The following PAK2 variants were observed in gnomAD, a reference collection of about 807,000 sequenced individuals.
PAK2 encodes p21 (RAC1) activated kinase 2, also known as serine/threonine-protein kinase PAK 2.
A neutral mutation model predicts 65.9 loss-of-function variants in PAK2; 21 were observed. The ratio of observed to expected loss-of-function variants is 0.32; its 90% confidence interval spans 0.23 to 0.46. PAK2 has a LOEUF of 0.46. PAK2 is among the 20% of genes least tolerant of loss of function. The pLI is 1.00. For synonymous variants in PAK2, 204 were observed against 219.7 expected, an observed-to-expected ratio of 0.93 and a Z score of 0.63; for missense variants, 324 against 642.6, an observed-to-expected ratio of 0.50 and a Z score of 5.36.
intron 2 of PAK2, among the ~76,000 whole-genome samples, chr3:196,792,321 C>A (rs1162442770): frequency 6.6e-6 from 1 of 152,074 alleles, no homozygotes; most frequent in East Asian, 1.9e-4. Context: ...CGTTAGAAGC[C>A]AAGGGACATA....
At chr3:196,767,284 T>C (rs1714201312) in intron 1 of PAK2, among the ~76,000 whole-genome samples, 1 of 152,146 alleles carries the variant, frequency 6.6e-6, no homozygotes, top group Admixed American at 6.6e-5. Flanking sequence ...GGATAGATTT[T>C]TAGAAACGGG....
In PAK2 at chr3:196,827,266, G is replaced by A. The variant is rs753373351; in HGVS notation, c.1421G>A (p.Arg474Gln). 19 of 1,612,260 alleles carry A rather than the reference G, an allele frequency of 1.2e-5. No individual in the cohort carries two copies. The highest frequency in any genetic ancestry group is 2.2e-5 in the East Asian group (1 of 44,846). The part of the protein sequence containing the change: ...QNPEKLSPIF[R>Q]DFLNRCLEMD... The stretch of plus-strand genomic sequence containing the variant: ...CCAGAGAAACTTTCCCCAATATTTC[G>A]GGATTTCTTAAATCGATGTTTGGAA... Residue 474 changes from arginine (R) to glutamine (Q), a missense_variant, in exon 14 of 15, where the codon CGG becomes CAG. Coordinates refer to ENST00000327134, the MANE Select transcript of PAK2 (RefSeq NM_002577.4).
intron 1 of PAK2, among the ~76,000 whole-genome samples, chr3:196,773,861 C>CA (rs1270203615): frequency 2.0e-5 from 3 of 149,000 alleles, no homozygotes; most frequent in Non-Finnish European, 3.0e-5. Context: ...GACAGAATCT[C>CA]AAAAAAAAGC....
intron 1 of PAK2, among the ~76,000 whole-genome samples, chr3:196,761,672 C>T (rs1229820569): frequency 0.014 from 1,928 of 139,452 alleles, 31 homozygotes; most frequent in African/African-American, 0.048. Flanking sequence ...AGCTGTTGGG[C>T]ACACCTCCCA....
At chr3:196,769,594 G>C (rs1202297260) in intron 1 of PAK2, among the ~76,000 whole-genome samples, 1 of 151,166 alleles carries the variant, frequency 6.6e-6, no homozygotes, top group Non-Finnish European at 1.5e-5. Context: ...GGCGGATCAC[G>C]AGGTCAGGAG....
At position 196,831,673 on chromosome 3, in the gene PAK2, A is replaced by C. The variant is rs1334133187; in HGVS notation, c.*3268A>C. 1 of 152,230 alleles carries C rather than the reference A, an allele frequency of 6.6e-6. No individual in the cohort carries two copies. Among genetic ancestry groups the C allele is most frequent in the East Asian group, 1.9e-4 (1 of 5,202 alleles). 9.4% of individuals were successfully genotyped at this position (152,230 alleles called of 1,614,324 possible). On this transcript the variant is annotated 3_prime_UTR_variant, in exon 15 of 15. Coordinates refer to ENST00000327134, the MANE Select transcript of PAK2 (RefSeq NM_002577.4). ...TACATGTTTGTATATACTGTATTCT[A>C]GCCAGAATAATTTTAGATCTGATCA...
At chr3:196,755,541 C>G (rs1392030354) in intron 1 of PAK2, among the ~76,000 whole-genome samples, 1 of 151,064 alleles carries the variant, frequency 6.6e-6, no homozygotes, top group Admixed American at 6.6e-5. Flanking sequence ...CCTCTGTAAC[C>G]TCTACTTCCC....
intron 11 of PAK2, among the ~76,000 whole-genome samples, chr3:196,816,345 TAAG>T (rs544262260): frequency 5.4e-4 from 82 of 152,300 alleles, no homozygotes; most frequent in Non-Finnish European, 8.1e-4. Flanking sequence ...AGGGAGGAAA[TAAG>T]AACTCTTGAA....
chr3:196,762,146 G>C (rs1239607226), intron 1 of PAK2, among the ~76,000 whole-genome samples: 1 of 110,904 alleles, frequency 9.0e-6, no homozygotes, highest in African/African-American at 3.2e-5. Flanking sequence ...ATGGGCGCCC[G>C]GGCAGAGACG....
intron 1 of PAK2, among the ~76,000 whole-genome samples, chr3:196,769,686 A>G (rs1420881307): frequency 7.3e-5 from 11 of 150,826 alleles, no homozygotes; most frequent in South Asian, 2.1e-4. Context: ...GCGTGGTGGT[A>G]GGCGCCTGCA....
At chr3:196,769,564 C>T (rs542706107) in intron 1 of PAK2, among the ~76,000 whole-genome samples, 20 of 151,910 alleles carry the variant, frequency 1.3e-4, no homozygotes, top group African/African-American at 2.7e-4. Flanking sequence ...GTAATCCCAG[C>T]GCTTTGGGAG....
chr3:196,776,348 A>G (rs908449715), intron 1 of PAK2, among the ~76,000 whole-genome samples: 6 of 152,240 alleles, frequency 3.9e-5, no homozygotes, highest in South Asian at 2.1e-4. Context: ...GTACCAAAGT[A>G]TGAACCGTTG....
intron 1 of PAK2, among the ~76,000 whole-genome samples, chr3:196,744,816 T>G (rs952986728): frequency 1.3e-5 from 2 of 152,236 alleles, no homozygotes; most frequent in Admixed American, 6.5e-5. Flanking sequence ...TTTCTAACTT[T>G]GAGCAACTAA....
Position 196,810,191 on chromosome 3 carries a change from T to G in PAK2, c.710-399T>G, listed in dbSNP as rs530539843. 1.0e-3 allele frequency among the ~76,000 whole-genome samples: 156 copies of G among 152,074 alleles called. 1 individual carries two copies. The highest frequency in any genetic ancestry group is 3.7e-3 in the African/African-American group (153 of 41,534). ...ATTTCTATATTCAAATATATCTATT[T>G]TATATTCAAATATGTCTATTTTCTT... On this transcript the variant is annotated intron_variant, in intron 7 of 14. Transcript: ENST00000327134.
chr3:196,766,972 G>GTGTGTA (rs1714190746), intron 1 of PAK2, among the ~76,000 whole-genome samples: 1 of 146,134 alleles, frequency 6.8e-6, no homozygotes, highest in African/African-American at 2.6e-5. Flanking sequence ...GTGTGTGTGT[G>GTGTGTA]TGTATTGATA....
rs145430322 is a variant in PAK2, at chr3:196,823,299, C to T, written c.1350+2732C>T. 9.8e-5 allele frequency among the ~76,000 whole-genome samples: 15 copies of T among 152,298 alleles called. No homozygotes were observed. In the East Asian group the frequency reaches 2.9e-3, roughly 29 times the overall value. On this transcript the variant is annotated intron_variant, in intron 13 of 14. Transcript: ENST00000327134. The stretch of plus-strand genomic sequence containing the variant: ...ACTAACGGGATCTGTTCCCAAGTAA[C>T]TCAACTGCATTCCTGTACAAAGCTG...
At chr3:196,822,214 C>T (rs1008672702) in intron 13 of PAK2, among the ~76,000 whole-genome samples, 1 of 152,174 alleles carries the variant, frequency 6.6e-6, no homozygotes, top group African/African-American at 2.4e-5. Context: ...ACCTGCCATG[C>T]GCTGAGCACT....
chr3:196,777,985 C>T (rs1327583841), intron 1 of PAK2, among the ~76,000 whole-genome samples: 1 of 152,166 alleles, frequency 6.6e-6, no homozygotes, highest in African/African-American at 2.4e-5. Flanking sequence ...CCACTGTCTT[C>T]ATACCGGAAC....
intron 11 of PAK2, among the ~76,000 whole-genome samples, chr3:196,815,087 G>A (rs1715960018): frequency 6.6e-6 from 1 of 152,022 alleles, no homozygotes; most frequent in African/African-American, 2.4e-5. Flanking sequence ...GGCTGAAGCA[G>A]GAGAATGGCG....
Sources: gnomAD v4.1 joint callset for allele counts (sites outside exome capture counted in the v4.1 genomes callset) on GRCh38, gnomAD v4.1.1 for gene constraint, MANE v1.5 for transcripts, NCBI Gene and HGNC (gene_info 2026-07-23, HGNC 2026-07-21) for gene names.